The following IGSF11 variants were observed in gnomAD, a reference collection of about 807,000 sequenced individuals.
IGSF11 encodes the protein CXADR like 1.
In IGSF11, 22 loss-of-function variants were observed where a neutral mutation model predicts 41.0. The ratio of observed to expected loss-of-function variants is 0.54; its 90% CI spans 0.38 to 0.77. IGSF11 has a LOEUF of 0.77. Among genes scored for constraint, IGSF11 ranks in the 30% least tolerant of loss-of-function variants. The probability of loss-of-function intolerance (pLI) is 0.00; values close to 1 mark genes in which losing one functional copy is unlikely to be tolerated. For missense variants in IGSF11, 444 were observed against 530.8 expected, an observed-to-expected ratio of 0.84 and a Z score of 1.61; for synonymous variants, 219 against 201.3, an observed-to-expected ratio of 1.09 and a Z score of -0.74.
chr3:119,004,575 T>C (rs1279475060), intron 1 of IGSF11, among the ~76,000 whole-genome samples: 1 of 142,654 alleles, frequency 7.0e-6, no homozygotes, highest in Non-Finnish European at 1.5e-5. Flanking sequence ...TTTTGGATCT[T>C]TCCTGCTTTC....
intron 1 of IGSF11, among the ~76,000 whole-genome samples, chr3:119,078,819 C>T (rs1337964489): frequency 6.6e-6 from 1 of 151,970 alleles, no homozygotes; most frequent in African/African-American, 2.4e-5. Context: ...ACTATGCATC[C>T]TACAATGGTC....
At chr3:119,002,261 A>T (rs1243521648) in intron 1 of IGSF11, among the ~76,000 whole-genome samples, 1 of 143,624 alleles carries the variant, frequency 7.0e-6, no homozygotes, top group Middle Eastern at 3.3e-3. Context: ...TTGGCTGCAT[A>T]AATGTCTTCT....
chr3:118,971,042 A>C (rs2107617989), intron 1 of IGSF11, among the ~76,000 whole-genome samples: 1 of 152,322 alleles, frequency 6.6e-6, no homozygotes, highest in Admixed American at 6.5e-5. Flanking sequence ...AATCCTGCTG[A>C]GCTCTGGAGC....
intron 1 of IGSF11, among the ~76,000 whole-genome samples, chr3:119,119,985 C>T (rs1449316059): frequency 6.6e-6 from 1 of 152,144 alleles, no homozygotes; most frequent in Admixed American, 6.5e-5. Flanking sequence ...TTAAAAAGCT[C>T]AAACATATTC....
chr3:118,959,030 C>T (rs574913828), intron 1 of IGSF11, among the ~76,000 whole-genome samples: 4 of 152,280 alleles, frequency 2.6e-5, no homozygotes, highest in South Asian at 2.1e-4. Flanking sequence ...TGGAGAGGCA[C>T]CTACAAAATA....
chr3:119,010,443 G>C (rs942078404), intron 1 of IGSF11, among the ~76,000 whole-genome samples: 2 of 152,232 alleles, frequency 1.3e-5, no homozygotes, highest in Non-Finnish European at 2.9e-5. Flanking sequence ...GTGTATCTCT[G>C]AGGGTGTTTC....
chr3:118,941,576 A>G (rs1943704178), intron 1 of IGSF11, among the ~76,000 whole-genome samples: 1 of 152,222 alleles, frequency 6.6e-6, no homozygotes, highest in Non-Finnish European at 1.5e-5. Context: ...ACAGAATTAA[A>G]TGTACACTTA....
chr3:118,902,608 GA>G lies in IGSF11; in HGVS notation c.1207del (p.Ser403ProfsTer32), dbSNP rs749837859. The G allele has an allele frequency of 6.2e-7, 1 of 1,614,044 alleles. No homozygotes were observed. ...CAGTGTTGCGTGGCTGATGGTGTAG[GA>G]ATGAGTGTGTGGAGGCCGAGGCTTC... ...SRKPRPPHTH[S>X]YTISHATLER... is the part of the protein sequence containing the mutation. On this transcript the variant is annotated frameshift_variant, in exon 7 of 7. Transcript: ENST00000393775. LOFTEE classifies it high-confidence loss of function.
chr3:118,948,093 T>C (rs1453330668), intron 1 of IGSF11: 1 of 152,182 alleles, frequency 6.6e-6, no homozygotes, highest in Non-Finnish European at 1.5e-5. Flanking sequence ...GTTAAATATA[T>C]ACACAGAAAC....
chr3:118,937,095 T>C (rs1943342521), intron 1 of IGSF11, among the ~76,000 whole-genome samples: 1 of 152,112 alleles, frequency 6.6e-6, no homozygotes, highest in African/African-American at 2.4e-5. Context: ...CCAGAACACT[T>C]CCCTCTGGGA....
rs1942715880 is a variant in IGSF11 at position 118,930,076 on chromosome 3, A to G, written c.216+36T>C. 4.4e-6 allele frequency: 7 copies of G among 1,582,798 alleles called. No homozygotes were observed. The East Asian group carries it at 1.6e-4, about 36-fold the overall frequency. On this transcript the variant is annotated intron_variant, in intron 2 of 6. Coordinates refer to ENST00000393775, the MANE Select transcript of IGSF11 (RefSeq NM_001015887.3). ...CTACCAACCTCCTCTGAAAAGATTA[A>G]CCTTTTAGAGGTAGCACAGGATGCA...
At chr3:118,939,866 A>G (rs1943553629) in intron 1 of IGSF11, among the ~76,000 whole-genome samples, 1 of 152,204 alleles carries the variant, frequency 6.6e-6, no homozygotes, top group Admixed American at 6.5e-5. Flanking sequence ...AAGACAGAGT[A>G]GAATTCAATA....
intron 1 of IGSF11, among the ~76,000 whole-genome samples, chr3:119,077,203 G>A (rs2076514595): frequency 6.6e-6 from 1 of 151,980 alleles, no homozygotes; most frequent in South Asian, 2.1e-4. Context: ...TCACTCATAG[G>A]TGGGAATTGA....
chr3:118,928,326 T>C (rs1207449678), intron 3 of IGSF11, among the ~76,000 whole-genome samples, 183 bp downstream of exon 3: 8 of 151,794 alleles, frequency 5.3e-5, no homozygotes, highest in Admixed American at 2.6e-4. Flanking sequence ...CCGCCGGAAA[T>C]GAAGAAAGGA....
chr3:118,935,030 T>C (rs1323403847), intron 1 of IGSF11, among the ~76,000 whole-genome samples: 1 of 151,954 alleles, frequency 6.6e-6, no homozygotes, highest in Non-Finnish European at 1.5e-5. Flanking sequence ...AGAAAAGCCC[T>C]GACCTCTCAG....
intron 1 of IGSF11, among the ~76,000 whole-genome samples, chr3:119,116,170 A>G (rs561599173): frequency 6.6e-6 from 1 of 152,346 alleles, no homozygotes; most frequent in South Asian, 2.1e-4. Context: ...AGTAATGTAA[A>G]TTATCCTTCC....
At chr3:119,062,470 A>G (rs1942084792) in intron 1 of IGSF11, among the ~76,000 whole-genome samples, 1 of 152,192 alleles carries the variant, frequency 6.6e-6, no homozygotes, top group South Asian at 2.1e-4. Context: ...TCATCAATTC[A>G]ACAACTATGT....
At chr3:119,009,073 C>T (rs1334428951) in intron 1 of IGSF11, among the ~76,000 whole-genome samples, 1 of 152,100 alleles carries the variant, frequency 6.6e-6, no homozygotes, top group Non-Finnish European at 1.5e-5. Flanking sequence ...CACACACATA[C>T]ACACACACAA....
intron 1 of IGSF11, among the ~76,000 whole-genome samples, chr3:118,944,506 A>G (rs1313335306): frequency 7.7e-6 from 1 of 129,376 alleles, no homozygotes; most frequent in Admixed American, 8.1e-5. Context: ...ACACACACAC[A>G]CGATCCCTCT....
Sources: allele counts gnomAD v4.1 joint callset (sites outside exome capture counted in the v4.1 genomes callset), GRCh38; gene constraint gnomAD v4.1.1; transcripts MANE v1.5; gene names NCBI Gene and HGNC (gene_info 2026-07-23, HGNC 2026-07-21).